PRTG: variants seen among roughly 807,000 people sequenced by gnomAD.
PRTG encodes the protein protogenin, also known as immunoglobulin superfamily, DCC subclass, member 5.
In PRTG, 67 loss-of-function variants were observed where a neutral mutation model predicts 122.5. The observed-to-expected ratio is 0.55, with a 90% CI of 0.45 to 0.67. The LOEUF is 0.67. Ranked by LOEUF, PRTG falls within the 30% of genes least tolerant of loss-of-function variation. PRTG has a pLI of 0.00. For synonymous variants in PRTG, 554 were observed against 501.1 expected (o/e 1.11, Z -1.41); for missense variants, 1,435 against 1,415.4 (o/e 1.01, Z -0.22).
At chr15:55,627,497 T>G (rs1336471672) in intron 16 of PRTG, among the ~76,000 whole-genome samples, 1 of 148,294 alleles carries the variant, frequency 6.7e-6, no homozygotes, top group Admixed American at 6.7e-5. Flanking sequence ...GCTAAGTTTT[T>G]TTTTTTTTTT....
rs2059154774 is a variant in PRTG, at chr15:55,619,495, C to A, written c.*517G>T. 1 of 158,188 alleles carries A rather than the reference C, an allele frequency of 6.3e-6. No individual in the cohort carries two copies. The highest frequency in any genetic ancestry group is 2.4e-5 in the African/African-American group (1 of 41,406). 9.8% of individuals were successfully genotyped at this position (158,188 alleles called of 1,614,324 possible). On this transcript the variant is annotated 3_prime_UTR_variant, in exon 20 of 20. Coordinates refer to ENST00000389286, the MANE Select transcript of PRTG (RefSeq NM_173814.6). ...CATTACACGTACAGCAATGAAAACA[C>A]AATACTACTAGGAAGTATCATTGGT...
intron 2 of PRTG, among the ~76,000 whole-genome samples, chr15:55,719,045 T>G (rs538168131): frequency 1.3e-5 from 2 of 152,226 alleles, no homozygotes; most frequent in East Asian, 3.9e-4. Context: ...GTGCCCAGCC[T>G]CAAATTACTT....
intron 18 of PRTG, 35 bp downstream of exon 18, chr15:55,624,307 G>A (rs533842404): frequency 1.9e-6 from 3 of 1,598,338 alleles, no homozygotes; most frequent in South Asian, 2.3e-5. Context: ...AGGAATGGAA[G>A]AACGGCTTAT....
intron 2 of PRTG, among the ~76,000 whole-genome samples, chr15:55,725,300 G>A (rs1304689274): frequency 6.6e-6 from 1 of 151,944 alleles, no homozygotes; most frequent in Non-Finnish European, 1.5e-5. Flanking sequence ...CGCACAAAAG[G>A]AAATGAGAAG....
At chr15:55,694,580 A>G (rs2059621818) in intron 2 of PRTG, among the ~76,000 whole-genome samples, 1 of 152,190 alleles carries the variant, frequency 6.6e-6, no homozygotes, top group African/African-American at 2.4e-5. Flanking sequence ...AAAGCATGCA[A>G]ATATAAAACA....
At chr15:55,668,110 A>G (rs2059448928) in intron 11 of PRTG, among the ~76,000 whole-genome samples, 2 of 152,354 alleles carry the variant, frequency 1.3e-5, no homozygotes, top group Non-Finnish European at 1.5e-5. Flanking sequence ...AATGCTGTAT[A>G]GTTTATTATT....
chr15:55,656,703 T>A (rs1595624340), intron 11 of PRTG, among the ~76,000 whole-genome samples: 1 of 152,204 alleles, frequency 6.6e-6, no homozygotes, highest in South Asian at 2.1e-4. Context: ...AGAGACAGGG[T>A]TTCACCCTGT....
At position 55,614,172 on chromosome 15, in the gene PRTG, G is replaced by C. The variant is rs1375400461; in HGVS notation, c.*5840C>G. The C allele has an allele frequency of 2.0e-5, 3 of 152,064 alleles. No individual in the cohort carries two copies. Among genetic ancestry groups the C allele is most frequent in the Non-Finnish European group, 4.4e-5 (3 of 67,982 alleles). 9.4% of individuals were successfully genotyped at this position (152,064 alleles called of 1,614,324 possible). On this transcript the variant is annotated 3_prime_UTR_variant, in exon 20 of 20. Transcript: ENST00000389286. Reference sequence around the variant, plus strand: ...GACATTATGTTTTAAAGTTCAAAGAGGGCCAGACTTGCGATGATCCAGAAA... The same window carrying C: ...GACATTATGTTTTAAAGTTCAAAGACGGCCAGACTTGCGATGATCCAGAAA...
rs1381000825 is a variant in PRTG at position 55,618,655 on chromosome 15, T to C, written c.*1357A>G. On this transcript the variant is annotated 3_prime_UTR_variant, in exon 20 of 20. Coordinates refer to ENST00000389286, the MANE Select transcript of PRTG (RefSeq NM_173814.6). ...CTGAAGGAAGATTAAGTAGATACCA[T>C]ATTCTCTAAAGAATTCAAGAAAACA... The C allele has an allele frequency of 6.6e-6, 1 of 152,160 alleles. No individual in the cohort carries two copies. The highest frequency in any genetic ancestry group is 2.1e-4 in the South Asian group (1 of 4,828). 9.4% of individuals were successfully genotyped at this position (152,160 alleles called of 1,614,324 possible).
intron 9 of PRTG, among the ~76,000 whole-genome samples, chr15:55,675,142 C>T (rs993259161): frequency 2.6e-5 from 4 of 151,948 alleles, no homozygotes; most frequent in African/African-American, 4.8e-5. Context: ...CGTATAAAGT[C>T]CAAGTTTCAG....
chr15:55,719,869 G>C (rs1208303867), intron 2 of PRTG, among the ~76,000 whole-genome samples: 1 of 151,960 alleles, frequency 6.6e-6, no homozygotes, highest in Non-Finnish European at 1.5e-5. Context: ...GACCAGCCTG[G>C]CCAACATGGT....
At position 55,710,094 on chromosome 15, in the gene PRTG, T is replaced by C. The variant is rs2030319601; in HGVS notation, c.398-26163A>G. On this transcript the variant is annotated intron_variant, in intron 2 of 19. Transcript: ENST00000389286. ...TGCACAGAAAAAAGCCCCCGAAGAA[T>C]ATACACAACCATTAACAATGACTAC... Among the ~76,000 whole-genome samples, 4 of 152,150 alleles carry C rather than the reference T, an allele frequency of 2.6e-5. No individual in the cohort carries two copies. In the South Asian group the frequency reaches 6.2e-4, roughly 24 times the overall value.
chr15:55,632,747 T>C (rs1261911021), intron 15 of PRTG, among the ~76,000 whole-genome samples: 1 of 152,236 alleles, frequency 6.6e-6, no homozygotes, highest in Non-Finnish European at 1.5e-5. Context: ...CTTTTCCCTA[T>C]TGTAACTGTC....
intron 2 of PRTG, among the ~76,000 whole-genome samples, chr15:55,705,331 G>T: frequency 6.6e-6 from 1 of 152,202 alleles, no homozygotes; most frequent in South Asian, 2.1e-4. Context: ...AATTTTCTCT[G>T]CTTTAAACTT....
rs2059155894 is a variant in PRTG, at chr15:55,619,716, C to T, written c.*296G>A. On this transcript the variant is annotated 3_prime_UTR_variant, in exon 20 of 20. Transcript: ENST00000389286. ...TGCTGACAATGAAACATTCAAATTA[C>T]ACAAGTTTAAAAATAAAAAACAAAA... is the stretch of plus-strand genomic sequence containing the variant. The T allele has an allele frequency of 3.0e-6, 1 of 330,980 alleles. No individual in the cohort carries two copies. Among genetic ancestry groups the T allele is most frequent in the Non-Finnish European group, 5.5e-6 (1 of 182,504 alleles). 20.5% of individuals were successfully genotyped at this position (330,980 alleles called of 1,614,324 possible).
chr15:55,689,959 T>C (rs535283218), intron 2 of PRTG, among the ~76,000 whole-genome samples: 1 of 151,892 alleles, frequency 6.6e-6, no homozygotes, highest in Non-Finnish European at 1.5e-5. Context: ...TAGGCATCAA[T>C]TATTTCAAAA....
chr15:55,682,663 C>T (rs2059547265), intron 3 of PRTG, among the ~76,000 whole-genome samples, 166 bp from the exon 4 acceptor site: 1 of 151,836 alleles, frequency 6.6e-6, no homozygotes. Context: ...CTCCAGGGTT[C>T]AAGCGATTCT....
chr15:55,679,611 A>G lies in PRTG; in HGVS notation c.974-166T>C, dbSNP rs1374047638. The stretch of plus-strand genomic sequence containing the variant: ...ATCTCTCCAGGTGCCTTTTCTCGGC[A>G]TTGCTCAGTGTTCACTTCCTCCATG... On this transcript the variant is annotated intron_variant, in intron 6 of 19. Transcript: ENST00000389286. 3 of 552,808 alleles carry G rather than the reference A, an allele frequency of 5.4e-6. No homozygotes were observed. The East Asian group carries it at 9.0e-5, about 17-fold the overall frequency. The allele number at this position is 552,808 out of a possible 1,614,324, so 34.2% of individuals were successfully genotyped here. A position where few individuals can be genotyped will look rare whatever the true frequency, so the allele number is the denominator to read the frequency against.
chr15:55,718,077 T>C (rs908093387), intron 2 of PRTG, among the ~76,000 whole-genome samples: 36 of 151,994 alleles, frequency 2.4e-4, no homozygotes, highest in Admixed American at 1.1e-3. Context: ...GTAAGCGGCC[T>C]TTTTTTTACT....
Sources: gnomAD v4.1 joint callset for allele counts (sites outside exome capture counted in the v4.1 genomes callset) on GRCh38, gnomAD v4.1.1 for gene constraint, MANE v1.5 for transcripts, NCBI Gene and HGNC (gene_info 2026-07-23, HGNC 2026-07-21) for gene names.